The following MCUB variants were observed in gnomAD, a reference collection of about 807,000 sequenced individuals.
MCUB encodes calcium uniporter regulatory subunit MCUb, mitochondrial.
In MCUB, 46 loss-of-function variants were observed where a neutral mutation model predicts 41.4. The observed-to-expected ratio is 1.11, with a 90% confidence interval of 0.88 to 1.42. MCUB has a LOEUF of 1.42. MCUB is among the 40% of genes most tolerant of loss of function. MCUB has a pLI of 0.00. For synonymous variants in MCUB, 148 were observed against 148.2 expected (o/e 1.00, Z 0.01); for missense variants, 403 against 404.9 (o/e 1.00, Z 0.04).
chr4:109,644,906 C>T (rs1278253218), intron 1 of MCUB, among the ~76,000 whole-genome samples: 1 of 151,794 alleles, frequency 6.6e-6, no homozygotes, highest in Non-Finnish European at 1.5e-5. Flanking sequence ...TTTCATGTTG[C>T]TTTTCTCAAC....
intron 1 of MCUB, among the ~76,000 whole-genome samples, chr4:109,589,219 G>A (rs529773680): frequency 1.3e-5 from 2 of 152,148 alleles, no homozygotes; most frequent in African/African-American, 4.8e-5. Flanking sequence ...GACCATGCCC[G>A]GCCCAGTAGT....
At chr4:109,639,597 G>A (rs1728671426) in intron 1 of MCUB, among the ~76,000 whole-genome samples, 1 of 152,164 alleles carries the variant, frequency 6.6e-6, no homozygotes, top group East Asian at 1.9e-4. Flanking sequence ...TGAGGCAGGA[G>A]AATCGCTTGA....
chr4:109,569,918 G>C (rs1377171316), intron 1 of MCUB, among the ~76,000 whole-genome samples: 1 of 152,200 alleles, frequency 6.6e-6, no homozygotes, highest in Non-Finnish European at 1.5e-5. Flanking sequence ...GTTGGAGGCT[G>C]TCAGGAAGCA....
chr4:109,618,858 A>G (rs1728184481), intron 1 of MCUB, among the ~76,000 whole-genome samples: 1 of 152,166 alleles, frequency 6.6e-6, no homozygotes, highest in African/African-American at 2.4e-5. Context: ...TGCCAACATA[A>G]CAATAAGCTT....
At chr4:109,685,009 T>A in intron 6 of MCUB, 1 of 403,910 alleles carries the variant, frequency 2.5e-6, no homozygotes. Context: ...ATTTCTTCCT[T>A]CTTCTTTCCC....
At chr4:109,653,444 G>A (rs1280144174) in intron 1 of MCUB, among the ~76,000 whole-genome samples, 1 of 151,360 alleles carries the variant, frequency 6.6e-6, no homozygotes, top group African/African-American at 2.4e-5. Flanking sequence ...TTACATTCTT[G>A]CCAGCAATAT....
At chr4:109,565,503 G>A (rs10488910) in intron 1 of MCUB, among the ~76,000 whole-genome samples, 6,361 of 152,256 alleles carry the variant, frequency 0.042, 145 homozygotes, top group African/African-American at 0.058. Flanking sequence ...TTTGGGTGAA[G>A]GTTCCTATGC....
In MCUB at chr4:109,560,360, C is replaced by A; in HGVS notation, c.23C>A (p.Pro8Gln). ...AGGATGCTCCAGAGGGGCCTCTGGC[C>A]GTGGCGCACGCGGCTGCTGCCGACC... is the stretch of plus-strand genomic sequence containing the variant. MLQRGLW[P>Q]WRTRLLPTPG... Residue 8 changes from proline to glutamine, a missense_variant, in exon 1 of 8, where the codon CCG becomes CAG. Coordinates refer to ENST00000394650, the MANE Select transcript of MCUB (RefSeq NM_017918.5). 7.6e-7 allele frequency: 1 copy of A among 1,320,120 alleles called. No individual in the cohort carries two copies. Among genetic ancestry groups the A allele is most frequent in the Non-Finnish European group, 9.7e-7 (1 of 1,035,644 alleles). 81.8% of individuals were successfully genotyped at this position (1,320,120 alleles called of 1,614,324 possible).
At chr4:109,646,391 T>C (rs1213017734) in intron 1 of MCUB, among the ~76,000 whole-genome samples, 2 of 152,166 alleles carry the variant, frequency 1.3e-5, no homozygotes, top group Non-Finnish European at 2.9e-5. Context: ...CACTAAGCTA[T>C]CAATTCTACC....
chr4:109,613,361 G>A (rs936065195), intron 1 of MCUB, among the ~76,000 whole-genome samples: 5 of 152,132 alleles, frequency 3.3e-5, no homozygotes, highest in African/African-American at 9.7e-5. Flanking sequence ...GAGGTCTCTC[G>A]CAGGCTGAAA....
intron 1 of MCUB, among the ~76,000 whole-genome samples, chr4:109,586,316 T>G (rs983331907): frequency 3.3e-5 from 5 of 152,162 alleles, no homozygotes; most frequent in Non-Finnish European, 5.9e-5. Flanking sequence ...TCATTTAAGG[T>G]CTTCTCTACA....
rs773210291 is a variant in MCUB at position 109,670,375 on chromosome 4, G to A, written c.451+5981G>A. Among the ~76,000 whole-genome samples, 9 of 151,928 alleles carry A rather than the reference G, an allele frequency of 5.9e-5. No homozygotes were observed. In the East Asian group the frequency reaches 9.6e-4, roughly 16 times the overall value. ...ACTAAGCTCTAATGAAATCCCAATC[G>A]GTTAGGCTCTGGGAAAATAATTTAC... On this transcript the variant is annotated intron_variant, in intron 4 of 7. Transcript: ENST00000394650.
At chr4:109,664,195 T>A (rs1729292696) in intron 3 of MCUB, 95 bp from the exon 4 acceptor site, 2 of 707,578 alleles carry the variant, frequency 2.8e-6, no homozygotes, top group Non-Finnish European at 2.6e-6. Flanking sequence ...ACTATTATAT[T>A]GTAAAGACCT....
intron 7 of MCUB, among the ~76,000 whole-genome samples, 190 bp downstream of exon 7, chr4:109,685,557 T>C (rs2285712): frequency 0.61 from 92,041 of 152,052 alleles, 28,183 homozygotes; most frequent in South Asian, 0.68. Context: ...CTTCTGTACA[T>C]GAAGATAGCT....
intron 1 of MCUB, among the ~76,000 whole-genome samples, chr4:109,582,575 A>T (rs1221706466): frequency 6.6e-6 from 1 of 150,806 alleles, no homozygotes; most frequent in East Asian, 2.0e-4. Context: ...AAAAAAAAAA[A>T]ATCCCATTTG....
At chr4:109,565,804 T>C (rs1387727991) in intron 1 of MCUB, among the ~76,000 whole-genome samples, 1 of 151,788 alleles carries the variant, frequency 6.6e-6, no homozygotes, top group East Asian at 1.9e-4. Context: ...TAATTCATTA[T>C]GATATGCGAA....
chr4:109,596,954 C>T (rs1386751931), intron 1 of MCUB, among the ~76,000 whole-genome samples: 4 of 151,946 alleles, frequency 2.6e-5, no homozygotes, highest in Admixed American at 6.5e-5. Flanking sequence ...ATGCTGCCTT[C>T]AAGCGTCTGT....
chr4:109,615,427 A>G (rs2126134406), intron 1 of MCUB, among the ~76,000 whole-genome samples: 2 of 145,974 alleles, frequency 1.4e-5, no homozygotes, highest in African/African-American at 2.6e-5. Context: ...TTTTTTTGAG[A>G]CGGAGTCTCG....
intron 1 of MCUB, among the ~76,000 whole-genome samples, chr4:109,637,263 C>T (rs1579076626): frequency 6.6e-6 from 1 of 152,242 alleles, no homozygotes; most frequent in African/African-American, 2.4e-5. Context: ...AGACTTCTTC[C>T]AGTGTAACCA....
Sources: allele counts gnomAD v4.1 joint callset (sites outside exome capture counted in the v4.1 genomes callset), GRCh38; gene constraint gnomAD v4.1.1; transcripts MANE v1.5; gene names NCBI Gene and HGNC (gene_info 2026-07-23, HGNC 2026-07-21).